The following PAX8 variants were observed in gnomAD, a reference collection of about 807,000 sequenced individuals.
PAX8 encodes the protein paired box 8, also known as paired box protein Pax-8.
Under a neutral mutation model 52.4 loss-of-function variants are expected in PAX8, and 15 were observed. The observed-to-expected ratio is 0.29, with a 90% CI of 0.19 to 0.44. The LOEUF is 0.44. Ranked by LOEUF, PAX8 falls within the 20% of genes least tolerant of loss-of-function variation. The pLI, the probability that PAX8 is intolerant of heterozygous loss-of-function variation, is 1.00. For synonymous variants in PAX8, 284 were observed against 249.7 expected, an observed-to-expected ratio of 1.14 and a Z score of -1.29; for missense variants, 554 against 602.5, an observed-to-expected ratio of 0.92 and a Z score of 0.84.
chr2:113,233,685 A>C (rs1189541886), intron 9 of PAX8, among the ~76,000 whole-genome samples: 40 of 141,926 alleles, frequency 2.8e-4, no homozygotes, highest in Non-Finnish European at 3.9e-4. Context: ...CTCAAAAAAC[A>C]AAAAAACAAA....
At chr2:113,236,847 TCTTC>T in intron 7 of PAX8, 126 bp from the exon 8 acceptor site, 1 of 1,085,944 alleles carries the variant, frequency 9.2e-7, no homozygotes, top group Non-Finnish European at 1.3e-6. Flanking sequence ...ATCGCCCCCT[TCTTC>T]CTTTACGTTC....
At chr2:113,266,050 A>G (rs936748385) in intron 2 of PAX8, 2 of 152,244 alleles carry the variant, frequency 1.3e-5, no homozygotes, top group Non-Finnish European at 2.9e-5. Flanking sequence ...AAAACCTAAG[A>G]TGATCTGGCC....
intron 2 of PAX8, among the ~76,000 whole-genome samples, chr2:113,263,632 C>A (rs1160604551): frequency 6.6e-6 from 1 of 152,144 alleles, no homozygotes; most frequent in Non-Finnish European, 1.5e-5. Flanking sequence ...AGGGGCAGAC[C>A]TGAGACTGCA....
At chr2:113,278,651 T>C in intron 1 of PAX8, 180 bp downstream of exon 1, 1 of 668,816 alleles carries the variant, frequency 1.5e-6, no homozygotes, top group Non-Finnish European at 2.5e-6. Context: ...GGATCAAGGA[T>C]TGGGAGTGCG....
intron 2 of PAX8, among the ~76,000 whole-genome samples, chr2:113,256,273 C>T (rs1367720656): frequency 6.6e-6 from 1 of 152,226 alleles, no homozygotes; most frequent in Non-Finnish European, 1.5e-5. Flanking sequence ...CACTGCTCCT[C>T]AGCCTGGAGG....
intron 8 of PAX8, chr2:113,235,836 C>G: frequency 2.0e-6 from 1 of 509,624 alleles, no homozygotes. Context: ...CCGCCTCTCC[C>G]ACAGGAGGGA....
Position 113,218,592 on chromosome 2 carries a change from T to G in PAX8, c.1294A>C (p.Ser432Arg), listed in dbSNP as rs774530475. The change falls in exon 12 of 12, where the codon AGT (serine) becomes CGT (arginine). Residue 432 changes from serine to arginine, a missense_variant. This residue lies in a region of PAX8 where 445 missense variants were observed against 409.9 expected (regional missense o/e 1.09). Transcript: ENST00000429538. Reference protein sequence around the residue: ...SSLLSSPYYYSSTSRPSAPPT... With the variant: ...SSLLSSPYYYRSTSRPSAPPT... Reference sequence around the variant, plus strand: ...GGTGCACTCGGCCTTGATGTGGAACTGTAATAATATGGGGAACCTGGACAC... The same window carrying G: ...GGTGCACTCGGCCTTGATGTGGAACGGTAATAATATGGGGAACCTGGACAC... The G allele has an allele frequency of 4.5e-6, 7 of 1,557,586 alleles. No homozygotes were observed. In the African/African-American group the frequency reaches 9.6e-5, roughly 21 times the overall value.
chr2:113,220,399 C>T (rs1236190466), intron 10 of PAX8: 1 of 543,692 alleles, frequency 1.8e-6, no homozygotes, highest in Admixed American at 3.0e-5. Context: ...TCCGTAGGTA[C>T]TGGAGGCACT....
intron 2 of PAX8, among the ~76,000 whole-genome samples, chr2:113,261,050 G>A (rs901033442): frequency 3.3e-5 from 5 of 152,126 alleles, no homozygotes; most frequent in African/African-American, 4.8e-5. Context: ...TGACAAAACC[G>A]TGCATCTGTT....
chr2:113,262,323 A>G (rs771747991), intron 2 of PAX8, among the ~76,000 whole-genome samples: 8 of 152,048 alleles, frequency 5.3e-5, no homozygotes, highest in Non-Finnish European at 1.2e-4. Context: ...GCCTTTTCTA[A>G]GTGTTGAACC....
At chr2:113,245,638 C>T (rs967909017) in intron 3 of PAX8, among the ~76,000 whole-genome samples, 1 of 152,172 alleles carries the variant, frequency 6.6e-6, no homozygotes, top group Admixed American at 6.5e-5. Flanking sequence ...CAACTAGTTG[C>T]TTTGGCAGAT....
chr2:113,235,711 C>T (rs955970118), intron 8 of PAX8, 129 bp from the exon 9 acceptor site: 2 of 706,920 alleles, frequency 2.8e-6, no homozygotes, highest in Admixed American at 2.8e-5. Context: ...CCCTCAGAGT[C>T]TGGGCTGGGG....
At chr2:113,232,132 C>T (rs1285559046) in intron 9 of PAX8, among the ~76,000 whole-genome samples, 1 of 152,226 alleles carries the variant, frequency 6.6e-6, no homozygotes, top group Non-Finnish European at 1.5e-5. Context: ...CCCGTCATGT[C>T]CTCCCAGCTC....
At chr2:113,225,499 A>C (rs978070815) in intron 10 of PAX8, 1 of 152,224 alleles carries the variant, frequency 6.6e-6, no homozygotes, top group African/African-American at 2.4e-5. Flanking sequence ...ACTGATTTTC[A>C]TGGAACTCAC....
chr2:113,232,591 T>C (rs1325791463), intron 9 of PAX8, among the ~76,000 whole-genome samples: 1 of 152,190 alleles, frequency 6.6e-6, no homozygotes, highest in Non-Finnish European at 1.5e-5. Flanking sequence ...GACCTCTCAG[T>C]CCTGCAGTTG....
intron 10 of PAX8, among the ~76,000 whole-genome samples, chr2:113,221,553 T>C (rs570421874): frequency 6.6e-6 from 1 of 152,358 alleles, no homozygotes; most frequent in South Asian, 2.1e-4. Flanking sequence ...CCCTATCTCA[T>C]TTGGTTTAAT....
chr2:113,237,008 C>T (rs1417371043), intron 7 of PAX8: 2 of 474,408 alleles, frequency 4.2e-6, no homozygotes, highest in Non-Finnish European at 7.6e-6. Flanking sequence ...GGTCGGCTTC[C>T]TGGTTTCACC....
intron 2 of PAX8, among the ~76,000 whole-genome samples, chr2:113,249,214 C>A (rs533252121): frequency 6.6e-6 from 1 of 152,378 alleles, no homozygotes; most frequent in African/African-American, 2.4e-5. Flanking sequence ...AGATGGTGGG[C>A]AGAGGGGCCT....
intron 7 of PAX8, chr2:113,239,347 T>G (rs1690630338): frequency 6.6e-6 from 1 of 152,318 alleles, no homozygotes; most frequent in Non-Finnish European, 1.5e-5. Context: ...GGACTACAGG[T>G]GTGAGCCACC....
Sources: allele counts gnomAD v4.1 joint callset (sites outside exome capture counted in the v4.1 genomes callset), GRCh38; gene constraint gnomAD v4.1.1; regional missense constraint gnomAD v4.1.1; transcripts MANE v1.5; gene names NCBI Gene and HGNC (gene_info 2026-07-23, HGNC 2026-07-21).